ENOSF1: variants seen among roughly 807,000 people sequenced by gnomAD.
ENOSF1 encodes the protein enolase superfamily member 1, also known as mitochondrial enolase superfamily member 1.
A neutral mutation model predicts 68.2 loss-of-function variants in ENOSF1; 73 were observed. The ratio of observed to expected loss-of-function variants is 1.07; its 90% confidence interval spans 0.89 to 1.30. ENOSF1 has a LOEUF of 1.30. Among genes scored for constraint, ENOSF1 ranks in the 50% most tolerant of loss-of-function variants. The pLI is 0.00. For synonymous variants in ENOSF1, 223 were observed against 210.4 expected, an observed-to-expected ratio of 1.06 and a Z score of -0.52; for missense variants, 589 against 554.5, an observed-to-expected ratio of 1.06 and a Z score of -0.62.
At chr18:693,149 T>TC in intron 5 of ENOSF1, 1 of 1,289,066 alleles carries the variant, frequency 7.8e-7, no homozygotes, top group African/African-American at 1.5e-5. Flanking sequence ...CCCAGTTTTT[T>TC]CCTCCTCAGC....
intron 1 of ENOSF1, among the ~76,000 whole-genome samples, chr18:709,339 G>T (rs2032867600): frequency 6.6e-6 from 1 of 152,188 alleles, no homozygotes; most frequent in Non-Finnish European, 1.5e-5. Context: ...TGTCAGAAAG[G>T]CAGGAGGCCA....
At chr18:668,686 A>G (rs570871428), downstream of ENOSF1, among the ~76,000 whole-genome samples, 4 of 152,362 alleles carry the variant, frequency 2.6e-5, no homozygotes, top group East Asian at 7.7e-4. Flanking sequence ...AGATTTTGTC[A>G]GTGAAATTGT....
rs372558172 is a variant in ENOSF1, at chr18:706,602, G to A, written c.85-24C>T. 2.4e-5 allele frequency: 37 copies of A among 1,551,426 alleles called. No homozygotes were observed. The African/African-American group carries it at 2.6e-4, about 11-fold the overall frequency. On this transcript the variant is annotated intron_variant, in intron 1 of 15. Coordinates refer to ENST00000647584, the MANE Select transcript of ENOSF1 (RefSeq NM_017512.7). ...TGCTGCAGGAGAAGAGTTCCCCGCC[G>A]AAACAATGCCAGTGTGAGAAACCCG...
chr18:704,441 A>AAAAG (rs1491210900), intron 2 of ENOSF1, among the ~76,000 whole-genome samples: 5 of 27,550 alleles, frequency 1.8e-4, no homozygotes, highest in African/African-American at 1.2e-3. Flanking sequence ...AAAAGAAAAG[A>AAAAG]AAAAAAAAAA....
intron 10 of ENOSF1, 123 bp from the exon 11 acceptor site, chr18:683,503 C>CCT: frequency 8.6e-7 from 1 of 1,160,898 alleles, no homozygotes. Context: ...CCCCCTAACG[C>CCT]CTCTGCTGAG....
chr18:712,155 C>T (rs532767113), intron 1 of ENOSF1, among the ~76,000 whole-genome samples: 10 of 152,310 alleles, frequency 6.6e-5, no homozygotes, highest in African/African-American at 1.9e-4. Flanking sequence ...CCAGGATATT[C>T]TAAACTCCAG....
At chr18:693,234 T>C in intron 5 of ENOSF1, 4 of 1,289,070 alleles carry the variant, frequency 3.1e-6, no homozygotes, top group Non-Finnish European at 4.0e-6. Flanking sequence ...TAGAATTCAG[T>C]GTTGAGCTCC....
At chr18:710,792 TTG>T (rs2145566820) in intron 1 of ENOSF1, among the ~76,000 whole-genome samples, 1 of 152,330 alleles carries the variant, frequency 6.6e-6, no homozygotes, top group East Asian at 1.9e-4. Flanking sequence ...CTTAGAAAGA[TTG>T]TGTGACTTAG....
At chr18:712,223 G>A (rs895689204) in intron 1 of ENOSF1, 3 of 1,483,332 alleles carry the variant, frequency 2.0e-6, no homozygotes, top group East Asian at 5.0e-5. Context: ...TTGCTCCAAG[G>A]CATGAAAAGC....
intron 3 of ENOSF1, among the ~76,000 whole-genome samples, chr18:696,196 ATCTC>A (rs1225781340): frequency 8.0e-4 from 105 of 130,502 alleles, no homozygotes; most frequent in African/African-American, 2.9e-3. Context: ...CTTCTTTTAC[ATCTC>A]TCTCTTTTTT....
intron 11 of ENOSF1, among the ~76,000 whole-genome samples, chr18:680,280 T>A (rs1300959208): frequency 1.3e-5 from 2 of 152,180 alleles, no homozygotes; most frequent in African/African-American, 4.8e-5. Flanking sequence ...GAGCAGATGG[T>A]CTCTAAGGCA....
intron 4 of ENOSF1, 151 bp downstream of exon 4, chr18:694,097 G>T: frequency 1.9e-6 from 2 of 1,040,930 alleles, no homozygotes; most frequent in Non-Finnish European, 2.8e-6. Flanking sequence ...CCTACCTACT[G>T]CCAAAACCTC....
chr18:692,118 T>C (rs9953967), intron 5 of ENOSF1: 50,665 of 151,918 alleles, frequency 0.33, 8,767 homozygotes, highest in Non-Finnish European at 0.37. Context: ...GAACCGGGAG[T>C]GAGCGGCCCA....
chr18:693,768 G>A (rs2077440070), intron 5 of ENOSF1, 114 bp downstream of exon 5: 11 of 1,544,150 alleles, frequency 7.1e-6, no homozygotes, highest in Admixed American at 4.2e-5. Flanking sequence ...CTTTATCATC[G>A]CTATAGTGAT....
At chr18:696,915 G>A (rs186488587) in intron 3 of ENOSF1, among the ~76,000 whole-genome samples, 118 of 152,084 alleles carry the variant, frequency 7.8e-4, no homozygotes, top group African/African-American at 2.6e-3. Flanking sequence ...TCAGGAGTTC[G>A]AGACCAGCCT....
At position 675,440 on chromosome 18, in the gene ENOSF1, A is replaced by G. The variant is rs752954144; in HGVS notation, c.1149-38T>C. 14 of 1,548,986 alleles carry G rather than the reference A, an allele frequency of 9.0e-6. No individual in the cohort carries two copies. In the South Asian group the frequency reaches 1.5e-4, roughly 17 times the overall value. ...AATCAGATCGGGGCAATGATGCCTG[A>G]AGTCAGATTATTCACGTGGTGCTAA... is the stretch of plus-strand genomic sequence containing the variant. On this transcript the variant is annotated intron_variant, in intron 14 of 15. Coordinates refer to ENST00000647584, the MANE Select transcript of ENOSF1 (RefSeq NM_017512.7).
In ENOSF1 at chr18:706,801, G is replaced by GTATA. The variant is rs1555673646; in HGVS notation, c.85-227_85-224dup. ...AAATGTTTCAACAAGAGCAATGTAT[G>GTATA]TATATATATATATATTTTTTTTTTT... On this transcript the variant is annotated intron_variant, in intron 1 of 15. Coordinates refer to ENST00000647584, the MANE Select transcript of ENOSF1 (RefSeq NM_017512.7). 630 of 151,208 alleles carry GTATA rather than the reference G, an allele frequency of 4.2e-3. 6 individuals are homozygous for GTATA. Among genetic ancestry groups the GTATA allele is most frequent in the African/African-American group, 0.016 (574 of 34,972 alleles). 9.4% of individuals were successfully genotyped at this position (151,208 alleles called of 1,614,324 possible). A position where few individuals can be genotyped will look rare whatever the true frequency, so the allele number is the denominator to read the frequency against.
chr18:711,625 G>A (rs1313457136), intron 1 of ENOSF1, among the ~76,000 whole-genome samples: 1 of 152,174 alleles, frequency 6.6e-6, no homozygotes, highest in Admixed American at 6.5e-5. Context: ...CTGTATTTGG[G>A]AAACACCGCT....
intron 2 of ENOSF1, 32 bp from the exon 3 acceptor site, chr18:697,387 C>T (rs760472804): frequency 6.9e-7 from 1 of 1,458,402 alleles, no homozygotes; most frequent in Non-Finnish European, 9.6e-7. Context: ...CTTGTTTATG[C>T]TTCTATACTA....
Sources: gnomAD v4.1 joint callset for allele counts (sites outside exome capture counted in the v4.1 genomes callset) on GRCh38, gnomAD v4.1.1 for gene constraint, MANE v1.5 for transcripts, NCBI Gene and HGNC (gene_info 2026-07-23, HGNC 2026-07-21) for gene names.